SMIM41: variants seen among roughly 807,000 people sequenced by gnomAD.
SMIM41 encodes small integral membrane protein 41.
At chr12:52,095,809 C>T (rs1465417437) in intron 2 of SMIM41, among the ~76,000 whole-genome samples, 1 of 152,040 alleles carries the variant, frequency 6.6e-6, no homozygotes, top group Non-Finnish European at 1.5e-5. Flanking sequence ...TATCCTCTCC[C>T]GTCCTGCATA....
intron 2 of SMIM41, among the ~76,000 whole-genome samples, chr12:52,097,970 G>C (rs1008790808): frequency 7.7e-6 from 1 of 129,302 alleles, no homozygotes; most frequent in African/African-American, 3.0e-5. Flanking sequence ...CCGGATATTA[G>C]AGACAATAAC....
intron 2 of SMIM41, among the ~76,000 whole-genome samples, chr12:52,097,215 G>A (rs1466051121): frequency 7.9e-5 from 12 of 151,992 alleles, no homozygotes; most frequent in Admixed American, 7.9e-4. Flanking sequence ...TATCCCAGGG[G>A]GTGTATAGTA....
intron 2 of SMIM41, among the ~76,000 whole-genome samples, chr12:52,097,194 A>G (rs1940114004): frequency 6.6e-6 from 1 of 151,964 alleles, no homozygotes; most frequent in Admixed American, 6.5e-5. Flanking sequence ...AGAGTATGAT[A>G]TTGCTCCCAA....
intron 2 of SMIM41, among the ~76,000 whole-genome samples, chr12:52,093,902 A>G (rs566312317): frequency 6.6e-6 from 1 of 152,216 alleles, no homozygotes; most frequent in Non-Finnish European, 1.5e-5. Context: ...AGGCCGAGGC[A>G]GGTGGATCAC....
At chr12:52,093,122 C>T (rs1162060932) in intron 2 of SMIM41, among the ~76,000 whole-genome samples, 2 of 152,086 alleles carry the variant, frequency 1.3e-5, no homozygotes, top group Non-Finnish European at 2.9e-5. Flanking sequence ...CGCTTGAACC[C>T]GGGAGGCAGT....
At chr12:52,084,337 C>T (rs1320025710) in intron 2 of SMIM41, among the ~76,000 whole-genome samples, 1 of 149,752 alleles carries the variant, frequency 6.7e-6, no homozygotes, top group Non-Finnish European at 1.5e-5. Context: ...GGTGACAAAG[C>T]AAGACTCCAT....
At chr12:52,098,740 G>T (rs571202224) in intron 2 of SMIM41, among the ~76,000 whole-genome samples, 5 of 123,962 alleles carry the variant, frequency 4.0e-5, no homozygotes, top group African/African-American at 1.9e-4. Context: ...ATCACGGGGG[G>T]GGGGGTGTAC....
At position 52,098,659 on chromosome 12, in the gene SMIM41, C is replaced by T. The variant is rs185566261; in HGVS notation, c.*196-8720C>T. ...CCCCTAGATATTAGGAAAAATGTAA[C>T]CGGGGATGTGAACACCCCTGCGATA... On this transcript the variant is annotated intron_variant, in intron 2 of 2. Transcript: ENST00000546390. Among the ~76,000 whole-genome samples the T allele has an allele frequency of 9.6e-4, 145 of 151,162 alleles. 1 individual carries two copies. Among genetic ancestry groups the T allele is most frequent in the African/African-American group, 3.5e-3 (145 of 41,178 alleles).
At position 52,081,625 on chromosome 12, in the gene SMIM41, C is replaced by T. The variant is rs1939821021; in HGVS notation, c.*120+1444C>T. Reference sequence around the variant, plus strand: ...CAGGCAGGGGGCTGGGCCCAGGGGACATTCCCCCCTCCCTTTGCTGGGGGA... The same window carrying T: ...CAGGCAGGGGGCTGGGCCCAGGGGATATTCCCCCCTCCCTTTGCTGGGGGA... On this transcript the variant is annotated intron_variant, in intron 1 of 2. Coordinates refer to ENST00000546390, the MANE Select transcript of SMIM41 (RefSeq NM_001369216.1). This position sits in a 1 kb window ranked among gnomAD's most constrained non-coding sequence, Gnocchi z 4.1. Among the ~76,000 whole-genome samples the T allele has an allele frequency of 6.6e-6, 1 of 152,058 alleles. No homozygotes were observed. The highest frequency in any genetic ancestry group is 2.1e-4 in the South Asian group (1 of 4,824).
rs768521177 is a variant in SMIM41 at position 52,081,634 on chromosome 12, C to A, written c.*120+1453C>A. ...GGCTGGGCCCAGGGGACATTCCCCC[C>A]TCCCTTTGCTGGGGGAGAGGGTGGG... On this transcript the variant is annotated intron_variant, in intron 1 of 2. Coordinates refer to ENST00000546390, the MANE Select transcript of SMIM41 (RefSeq NM_001369216.1). The surrounding 1 kb of genome is among the most constrained non-coding windows in gnomAD (Gnocchi z 4.1). Among the ~76,000 whole-genome samples the A allele has an allele frequency of 6.6e-6, 1 of 152,150 alleles. No individual in the cohort carries two copies. Among genetic ancestry groups the A allele is most frequent in the Non-Finnish European group, 1.5e-5 (1 of 68,012 alleles).
intron 2 of SMIM41, among the ~76,000 whole-genome samples, chr12:52,087,038 G>T (rs781625528): frequency 9.2e-5 from 14 of 152,162 alleles, no homozygotes; most frequent in African/African-American, 2.9e-4. Context: ...CCTGGCCCTC[G>T]CTGCAGCCAG....
intron 2 of SMIM41, among the ~76,000 whole-genome samples, chr12:52,090,681 C>T (rs763534152): frequency 5.3e-5 from 8 of 152,126 alleles, no homozygotes; most frequent in African/African-American, 1.2e-4. Flanking sequence ...GTGCTCTGCT[C>T]GAACCAGAGC....
intron 2 of SMIM41, among the ~76,000 whole-genome samples, chr12:52,103,184 G>A (rs930579101): frequency 3.9e-5 from 6 of 151,924 alleles, no homozygotes; most frequent in South Asian, 2.1e-4. Context: ...AAAATTAGAC[G>A]AGCGTGGTGG....
At chr12:52,084,319 C>T (rs1939861277) in intron 2 of SMIM41, among the ~76,000 whole-genome samples, 1 of 151,700 alleles carries the variant, frequency 6.6e-6, no homozygotes, top group African/African-American at 2.4e-5. Flanking sequence ...CCACTACACT[C>T]CAGCCTGGGT....
At chr12:52,100,968 A>G (rs1166748959) in intron 2 of SMIM41, among the ~76,000 whole-genome samples, 2 of 152,024 alleles carry the variant, frequency 1.3e-5, no homozygotes, top group Admixed American at 6.6e-5. Flanking sequence ...TTAAGAAACT[A>G]TGGTATACAC....
At chr12:52,104,492 C>T (rs537261959) in intron 2 of SMIM41, among the ~76,000 whole-genome samples, 2 of 152,212 alleles carry the variant, frequency 1.3e-5, no homozygotes, top group East Asian at 3.9e-4. Context: ...ACTTGTTCTC[C>T]GTGGTCATGG....
chr12:52,090,451 G>A (rs1345400411), intron 2 of SMIM41, among the ~76,000 whole-genome samples: 1 of 151,962 alleles, frequency 6.6e-6, no homozygotes, highest in African/African-American at 2.4e-5. Flanking sequence ...GGGGGCGGGG[G>A]GGAAGCACTC....
rs1592320172 is a variant in SMIM41, at chr12:52,080,114, C to G, written c.*53C>G. 5.7e-6 allele frequency: 2 copies of G among 349,284 alleles called. No homozygotes were observed. Among genetic ancestry groups the G allele is most frequent in the African/African-American group, 2.2e-5 (1 of 46,466 alleles). 21.6% of individuals were successfully genotyped at this position (349,284 alleles called of 1,614,324 possible). A position where few individuals can be genotyped will look rare whatever the true frequency, so the allele number is the denominator to read the frequency against. On this transcript the variant is annotated 3_prime_UTR_variant, in exon 1 of 3. Transcript: ENST00000546390. ...CCTCCAGGCAGCCCCTGACTCCGAG[C>G]GGTCCGGAGCATGCCCGACGGCTGC...
intron 2 of SMIM41, among the ~76,000 whole-genome samples, chr12:52,086,213 C>T (rs11169996): frequency 6.6e-6 from 1 of 151,998 alleles, no homozygotes; most frequent in Admixed American, 6.5e-5. Context: ...GGCCTCCATA[C>T]CCTGAGCAGT....
Sources: allele counts gnomAD v4.1 joint callset (sites outside exome capture counted in the v4.1 genomes callset), GRCh38; gene constraint gnomAD v4.1.1; non-coding constraint Gnocchi (gnomAD v3.1); transcripts MANE v1.5; gene names NCBI Gene and HGNC (gene_info 2026-07-23, HGNC 2026-07-21).